LETM1: variants seen among roughly 807,000 people sequenced by gnomAD.
LETM1 encodes the protein leucine zipper and EF-hand containing transmembrane protein 1, also known as mitochondrial proton/calcium exchanger protein.
In LETM1, 50 loss-of-function variants were observed where a neutral mutation model predicts 74.5. The ratio of observed to expected loss-of-function variants is 0.67; its 90% CI spans 0.53 to 0.85. The LOEUF (loss-of-function observed/expected upper bound fraction) is 0.85, where lower values mean the gene tolerates loss of function less well. Ranked by LOEUF, LETM1 falls within the 40% of genes least tolerant of loss-of-function variation. The pLI is 0.00. For missense variants in LETM1, 824 were observed against 967.8 expected, an observed-to-expected ratio of 0.85 and a Z score of 1.97; for synonymous variants, 446 against 407.1, an observed-to-expected ratio of 1.10 and a Z score of -1.15.
At position 1,827,608 on chromosome 4, in the gene LETM1, A is replaced by G. The variant is rs1353269720; in HGVS notation, c.1081-1925T>C. ...TTCAGAGAGCACAGGGTTGGGGGTA[A>G]GGTCACAGATCAACAGGATCCCAAG... On this transcript the variant is annotated intron_variant, in intron 6 of 13. Coordinates refer to ENST00000302787, the MANE Select transcript of LETM1 (RefSeq NM_012318.3). Among the ~76,000 whole-genome samples, 230 of 127,816 alleles carry G rather than the reference A, an allele frequency of 1.8e-3. 2 individuals are homozygous for G. The highest frequency in any genetic ancestry group is 6.9e-3 in the African/African-American group (222 of 32,228). 83.9% of individuals were successfully genotyped at this position (127,816 alleles called of 152,430 possible).
Position 1,836,278 on chromosome 4 carries a change from A to T in LETM1, c.738+151T>A. On this transcript the variant is annotated intron_variant, in intron 4 of 13. Coordinates refer to ENST00000302787, the MANE Select transcript of LETM1 (RefSeq NM_012318.3). The surrounding 1 kb of genome is among the most constrained non-coding windows in gnomAD (Gnocchi z 5.8). Reference sequence around the variant, plus strand: ...AAGAGAAACAAATCCAAAACCCAGCATCCACTAAATAATTATTGCACAGCA... The same window carrying T: ...AAGAGAAACAAATCCAAAACCCAGCTTCCACTAAATAATTATTGCACAGCA... 1 of 653,388 alleles carries T rather than the reference A, an allele frequency of 1.5e-6. No individual in the cohort carries two copies. The highest frequency in any genetic ancestry group is 1.8e-5 in the African/African-American group (1 of 55,298). 40.5% of individuals were successfully genotyped at this position (653,388 alleles called of 1,614,324 possible). A position where few individuals can be genotyped will look rare whatever the true frequency, so the allele number is the denominator to read the frequency against.
chr4:1,825,023 G>A (rs1004060127), intron 7 of LETM1, among the ~76,000 whole-genome samples: 1 of 152,252 alleles, frequency 6.6e-6, no homozygotes, highest in African/African-American at 2.4e-5. Context: ...GGAGGAAACC[G>A]GCTGGAGCCC....
intron 7 of LETM1, 54 bp downstream of exon 7, chr4:1,825,510 C>T: frequency 6.3e-7 from 1 of 1,579,888 alleles, no homozygotes; most frequent in Non-Finnish European, 8.7e-7. Context: ...CCTTTCGAGG[C>T]TGATGTTTCC....
chr4:1,829,061 T>A, intron 6 of LETM1, among the ~76,000 whole-genome samples: 2 of 55,698 alleles, frequency 3.6e-5, no homozygotes, highest in Non-Finnish European at 3.3e-5. Flanking sequence ...ACCTCCCTCC[T>A]GGACGGGGCG....
At position 1,812,621 on chromosome 4, in the gene LETM1, A is replaced by T. The variant is rs1722501224; in HGVS notation, c.*1803T>A. The T allele has an allele frequency of 6.6e-6, 1 of 152,336 alleles. No individual in the cohort carries two copies. The highest frequency in any genetic ancestry group is 6.5e-5 in the Admixed American group (1 of 15,274). The allele number at this position is 152,336 out of a possible 1,614,324, so 9.4% of individuals were successfully genotyped here. A position where few individuals can be genotyped will look rare whatever the true frequency, so the allele number is the denominator to read the frequency against. ...AGACACCACTTTTAGGTGCAAGAAG[A>T]AAGGTCAGGACATAGAGAAAAATGC... On this transcript the variant is annotated 3_prime_UTR_variant, in exon 14 of 14. Coordinates refer to ENST00000302787, the MANE Select transcript of LETM1 (RefSeq NM_012318.3).
rs368786399 is a variant in LETM1, at chr4:1,823,058, G to C, written c.1406C>G (p.Thr469Arg). 2 of 1,609,458 alleles carry C rather than the reference G, an allele frequency of 1.2e-6. No homozygotes were observed. The highest frequency in any genetic ancestry group is 1.7e-6 in the Non-Finnish European group (2 of 1,177,478). ...QVDNKAKLEA[T>R]LQEEAAIQQE... ...CTGGATGGCCGCCTCCTCCTGCAGC[G>C]TGGCCTCCAGCTTGGCCTTGTTGTC... The change falls in exon 9 of 14, where the codon ACG becomes AGG. Residue 469 changes from threonine (T) to arginine (R), a missense_variant. Physicochemically the swap from Thr to Arg is moderately conservative, Grantham distance 71 (BLOSUM62 -1). Around this residue, in one of 4 missense-constraint regions of LETM1, gnomAD observed 172 missense variants for 170.7 expected, o/e 1.01. Transcript: ENST00000302787.
intron 13 of LETM1, 107 bp downstream of exon 13, chr4:1,815,557 G>T (rs1005683879): frequency 2.5e-5 from 31 of 1,255,400 alleles, no homozygotes; most frequent in South Asian, 2.1e-4. Context: ...CTGACAGGAG[G>T]GGGTAGCTGC....
intron 2 of LETM1, chr4:1,846,451 G>C (rs1712886212): frequency 6.6e-6 from 1 of 152,056 alleles, no homozygotes; most frequent in South Asian, 2.1e-4. Context: ...ATTTTTATTA[G>C]AGATGGGGTT....
At position 1,814,529 on chromosome 4, in the gene LETM1, G is replaced by A; in HGVS notation, c.2115C>T (p.Ser705=). 6.2e-7 allele frequency: 1 copy of A among 1,613,892 alleles called. No individual in the cohort carries two copies. Among genetic ancestry groups the A allele is most frequent in the Middle Eastern group, 1.7e-4 (1 of 6,060 alleles). ...VDKEDVHIST[S]QVAEIVATLE... is the part of the protein sequence containing the mutation. ...GTGTTGCTACAATCTCAGCCACCTG[G>A]CTGGTGGAGATGTGAACATCTTCTT... The change falls in exon 14 of 14, where the codon AGC becomes AGT. Residue 705 remains serine (S), a synonymous_variant. Transcript: ENST00000302787.
intron 6 of LETM1, among the ~76,000 whole-genome samples, chr4:1,831,109 A>G (rs749941375): frequency 6.6e-6 from 1 of 152,168 alleles, no homozygotes; most frequent in African/African-American, 2.4e-5. Flanking sequence ...GAAGGCAGCC[A>G]TCGTCCCCCC....
chr4:1,847,447 AGAAG>A (rs1386661850), intron 2 of LETM1, among the ~76,000 whole-genome samples: 5 of 152,234 alleles, frequency 3.3e-5, no homozygotes, highest in African/African-American at 1.2e-4. Context: ...CAGCTCATCT[AGAAG>A]GAAGGTCCAG....
At chr4:1,850,101 C>G (rs1042026222) in intron 1 of LETM1, among the ~76,000 whole-genome samples, 3 of 152,088 alleles carry the variant, frequency 2.0e-5, no homozygotes, top group African/African-American at 7.2e-5. Context: ...TTGCAGTGAG[C>G]TGAGATCGCA....
In LETM1 at chr4:1,814,444, C is replaced by T. The variant is rs759365929; in HGVS notation, c.2200G>A (p.Val734Ile). The change falls in exon 14 of 14, where the codon GTC becomes ATC. Residue 734 changes from valine to isoleucine, a missense_variant. Transcript: ENST00000302787. Reference sequence around the variant, plus strand: ...TGGTTCTAGCTCTTCACCTCTGCGACCTCCTTCTCTGCCTTCTCTTTGGCC... The same window carrying T: ...TGGTTCTAGCTCTTCACCTCTGCGATCTCCTTCTCTGCCTTCTCTTTGGCC... ...EKAKEKAEKE[V>I]AEVKS 1 of 1,614,136 alleles carries T rather than the reference C, an allele frequency of 6.2e-7. No homozygotes were observed. The highest frequency in any genetic ancestry group is 1.7e-5 in the Admixed American group (1 of 60,036).
At chr4:1,841,948 A>C (rs1243430202) in intron 2 of LETM1, 151 bp from the exon 3 acceptor site, 1 of 675,662 alleles carries the variant, frequency 1.5e-6, no homozygotes, top group African/African-American at 1.8e-5. Flanking sequence ...GACGTTTTGC[A>C]CTGCCCGCTG....
chr4:1,828,958 T>C (rs1255612175), intron 6 of LETM1, among the ~76,000 whole-genome samples: 5 of 71,476 alleles, frequency 7.0e-5, no homozygotes, highest in Admixed American at 1.5e-4. Flanking sequence ...GCCCCTCACC[T>C]CCCGGACGGG....
intron 7 of LETM1, among the ~76,000 whole-genome samples, chr4:1,825,030 G>A (rs1035124304): frequency 6.6e-6 from 1 of 152,260 alleles, no homozygotes; most frequent in Non-Finnish European, 1.5e-5. Flanking sequence ...ACCGGCTGGA[G>A]CCCTGCACCC....
chr4:1,839,287 AAAC>A (rs1173938662), intron 3 of LETM1: 1 of 152,202 alleles, frequency 6.6e-6, no homozygotes, highest in Non-Finnish European at 1.5e-5. Flanking sequence ...CCAAAAATAA[AAAC>A]AACTCACCCA....
At chr4:1,822,785 TG>T in intron 9 of LETM1, 1 of 428,922 alleles carries the variant, frequency 2.3e-6, no homozygotes. Context: ...AGCACCACTG[TG>T]GCCATCGGGG....
At chr4:1,855,354 C>G (rs949196747) in intron 1 of LETM1, among the ~76,000 whole-genome samples, 1 of 152,238 alleles carries the variant, frequency 6.6e-6, no homozygotes, top group Non-Finnish European at 1.5e-5. Flanking sequence ...CCGGAGTCCC[C>G]GTGTTCCCCG....
Sources: gnomAD v4.1 joint callset for allele counts (sites outside exome capture counted in the v4.1 genomes callset) on GRCh38, gnomAD v4.1.1 for gene constraint, gnomAD v4.1.1 regional missense constraint, Gnocchi (gnomAD v3.1) non-coding constraint, MANE v1.5 for transcripts, NCBI Gene and HGNC (gene_info 2026-07-23, HGNC 2026-07-21) for gene names.